The following RPAP1 variants were observed in gnomAD, a reference collection of about 807,000 sequenced individuals.
RPAP1 encodes RNA polymerase II associated protein 1.
RPAP1 carries 109 observed loss-of-function variants against 142.4 expected under a neutral mutation model. That is an observed-to-expected ratio of 0.77 (90% CI 0.66 to 0.90). RPAP1 has a LOEUF of 0.90. Ranked by LOEUF, RPAP1 falls within the 40% of genes least tolerant of loss-of-function variation. RPAP1 has a pLI of 0.00. For missense variants in RPAP1, 1,546 were observed against 1,751.7 expected, an observed-to-expected ratio of 0.88 and a Z score of 2.10; for synonymous variants, 704 against 738.9, an observed-to-expected ratio of 0.95 and a Z score of 0.77.
intron 19 of RPAP1, 80 bp from the exon 20 acceptor site, chr15:41,522,330 A>C (rs1420613098): frequency 7.4e-7 from 1 of 1,347,186 alleles, no homozygotes; most frequent in Non-Finnish European, 1.0e-6. Context: ...GCCCCTCTCC[A>C]GACTCAGGGA....
In RPAP1 at chr15:41,531,177, T is replaced by A; in HGVS notation, c.789A>T (p.Arg263Ser). The A allele has an allele frequency of 6.2e-7, 1 of 1,612,342 alleles. No homozygotes were observed. The highest frequency in any genetic ancestry group is 1.7e-5 in the Admixed American group (1 of 59,948). ...QLDPSLVAFL[R>S]SHSHTQEQTG... ...TTTGCTCTTGCGTGTGGCTGTGAGA[T>A]CTCAAGAAAGCAACCAAGCTGGGGT... is the stretch of plus-strand genomic sequence containing the variant. Residue 263 changes from arginine to serine, a missense_variant, in exon 7 of 25, where the codon AGA becomes AGT. Around this residue, in one of 3 missense-constraint regions of RPAP1, gnomAD observed 1,333 missense variants for 1,486.6 expected, o/e 0.90. Transcript: ENST00000304330.
intron 19 of RPAP1, chr15:41,522,550 C>G: frequency 1.8e-6 from 1 of 566,712 alleles, no homozygotes; most frequent in South Asian, 2.4e-5. Flanking sequence ...GCCATCATGC[C>G]TGGCTAATTT....
In RPAP1 at chr15:41,522,188, C is replaced by T. The variant is rs768788513; in HGVS notation, c.2805G>A (p.Gly935=). 8.1e-6 allele frequency: 13 copies of T among 1,613,926 alleles called. No homozygotes were observed. Among genetic ancestry groups the T allele is most frequent in the Non-Finnish European group, 1.1e-5 (13 of 1,180,022 alleles). Residue 935 remains glycine (G), a synonymous_variant, in exon 20 of 25, where the codon GGG becomes GGA. Coordinates refer to ENST00000304330, the MANE Select transcript of RPAP1 (RefSeq NM_015540.4). Reference sequence around the variant, plus strand: ...AGAAAGGTGTGAGGTGTGGGGCAGCCCCAGGAGCCACACACTGGAGGAAGT... The same window carrying T: ...AGAAAGGTGTGAGGTGTGGGGCAGCTCCAGGAGCCACACACTGGAGGAAGT... The part of the protein sequence containing the change: ...QNYFLQCVAP[G]AAPHLTPFSA...
Position 41,529,658 on chromosome 15 carries a change from C to T in RPAP1, c.1060-90G>A, listed in dbSNP as rs931443614. ...ACCTTTAATCCCAGGCCTTTCAGGA[C>T]TTAGGTACTGACTCTACTTCTACCA... On this transcript the variant is annotated intron_variant, in intron 8 of 24. Coordinates refer to ENST00000304330, the MANE Select transcript of RPAP1 (RefSeq NM_015540.4). 1.7e-5 allele frequency: 17 copies of T among 1,014,652 alleles called. No individual in the cohort carries two copies. In the African/African-American group the frequency reaches 2.2e-4, roughly 13 times the overall value. 62.9% of individuals were successfully genotyped at this position (1,014,652 alleles called of 1,614,324 possible).
intron 1 of RPAP1, among the ~76,000 whole-genome samples, chr15:41,543,572 A>G (rs1209540366): frequency 6.6e-6 from 1 of 152,030 alleles, no homozygotes; most frequent in Non-Finnish European, 1.5e-5. Context: ...GGTCCTATAT[A>G]ATAGGAAATG....
At chr15:41,525,177 G>T in intron 14 of RPAP1, 29 bp from the exon 15 acceptor site, 1 of 1,570,442 alleles carries the variant, frequency 6.4e-7, no homozygotes, top group Non-Finnish European at 8.6e-7. Context: ...TGAGGATCAG[G>T]GTCAGCTGTG....
chr15:41,527,267 C>A lies in RPAP1; in HGVS notation c.1646G>T (p.Arg549Leu), dbSNP rs774093071. 6 of 1,614,078 alleles carry A rather than the reference C, an allele frequency of 3.7e-6. No individual in the cohort carries two copies. The highest frequency in any genetic ancestry group is 1.7e-5 in the Admixed American group (1 of 60,004). Residue 549 changes from arginine (R) to leucine (L), a missense_variant, in exon 13 of 25, where the codon CGC (arginine) becomes CTC (leucine). By Grantham distance (102) the Arg-to-Leu change is moderately radical. Coordinates refer to ENST00000304330, the MANE Select transcript of RPAP1 (RefSeq NM_015540.4). ...TGGGTATGTCACCTCCAGCACGTAG[C>A]GCAGCCGAGGCAGCAGGCTGGTAGC... ...LLATSLLPRLRYVLEVTYPGP... is the reference protein window; with the variant it reads ...LLATSLLPRLLYVLEVTYPGP...
intron 2 of RPAP1, 138 bp from the exon 3 acceptor site, chr15:41,536,787 G>C: frequency 7.2e-7 from 1 of 1,392,142 alleles, no homozygotes; most frequent in South Asian, 1.4e-5. Flanking sequence ...ACCTCTTTGA[G>C]CCTCATTTTC....
At chr15:41,540,174 A>G (rs901268797) in intron 1 of RPAP1, among the ~76,000 whole-genome samples, 4 of 152,228 alleles carry the variant, frequency 2.6e-5, no homozygotes, top group African/African-American at 7.2e-5. Context: ...CTAGATGCTG[A>G]TAATAATAAA....
chr15:41,540,521 G>A (rs12900977), intron 1 of RPAP1, among the ~76,000 whole-genome samples: 63,630 of 151,978 alleles, frequency 0.42, 14,806 homozygotes, highest in South Asian at 0.53. Context: ...GGCTGGTCTC[G>A]AACTCCCGAC....
Position 41,537,883 on chromosome 15 carries a change from C to CAAA in RPAP1, c.-76-685_-76-683dup, listed in dbSNP as rs34270949. 2.6e-4 allele frequency among the ~76,000 whole-genome samples: 34 copies of CAAA among 131,570 alleles called. 1 individual carries two copies. Among genetic ancestry groups the CAAA allele is most frequent in the Admixed American group, 6.1e-4 (8 of 13,120 alleles). 86.3% of individuals were successfully genotyped at this position (131,570 alleles called of 152,430 possible). A position where few individuals can be genotyped will look rare whatever the true frequency, so the allele number is the denominator to read the frequency against. ...GGGCAACAAGAGTAAAACTCCGTCT[C>CAAA]AAAAAAAAAAAAAAAAATTGTATGT... is the stretch of plus-strand genomic sequence containing the variant. On this transcript the variant is annotated intron_variant, in intron 1 of 24. Coordinates refer to ENST00000304330, the MANE Select transcript of RPAP1 (RefSeq NM_015540.4).
In RPAP1 at chr15:41,520,676, G is replaced by C; in HGVS notation, c.3510C>G (p.Phe1170Leu). ...CCAGATGCTGTACTGGGGACTCCCG[G>C]AACAGCTCACTGTCCACCAGGAACA... is the stretch of plus-strand genomic sequence containing the variant. ...MCVFLVDSEL[F>L]RESPVQHLVA... The change falls in exon 22 of 25, where the codon TTC (phenylalanine) becomes TTG (leucine). Residue 1170 changes from phenylalanine to leucine, a missense_variant. Around this residue, in one of 3 missense-constraint regions of RPAP1, gnomAD observed 1,333 missense variants for 1,486.6 expected, o/e 0.90. Coordinates refer to ENST00000304330, the MANE Select transcript of RPAP1 (RefSeq NM_015540.4). The C allele has an allele frequency of 6.2e-7, 1 of 1,614,150 alleles. No individual in the cohort carries two copies. The highest frequency in any genetic ancestry group is 8.5e-7 in the Non-Finnish European group (1 of 1,180,032).
intron 1 of RPAP1, among the ~76,000 whole-genome samples, chr15:41,540,197 TCTAA>T (rs1162896686): frequency 6.6e-6 from 1 of 152,208 alleles, no homozygotes; most frequent in Non-Finnish European, 1.5e-5. Context: ...TATTGTTATA[TCTAA>T]CACTTATTGA....
In RPAP1 at chr15:41,524,983, C is replaced by T. The variant is rs1239863562; in HGVS notation, c.2075+8G>A. The T allele has an allele frequency of 1.2e-6, 2 of 1,612,620 alleles. No homozygotes were observed. The highest frequency in any genetic ancestry group is 2.7e-5 in the African/African-American group (2 of 74,854). On this transcript the variant is annotated splice_region_variant and intron_variant, in intron 15 of 24. Transcript: ENST00000304330. ...TCTAGGGGGAGCCTACCCCCTGCCT[C>T]TCCTCACCTGTAAAGGTAACCGCCC...
At chr15:41,524,853 A>G in intron 15 of RPAP1, 138 bp downstream of exon 15, 1 of 847,700 alleles carries the variant, frequency 1.2e-6, no homozygotes, top group Non-Finnish European at 1.8e-6. Flanking sequence ...AAGCCTTTTC[A>G]CATCTGGCAG....
intron 22 of RPAP1, chr15:41,519,523 C>G (rs544271809): frequency 6.6e-6 from 1 of 152,260 alleles, no homozygotes; most frequent in African/African-American, 2.4e-5. Flanking sequence ...CATAGTAACT[C>G]TTTACAGCTT....
In RPAP1 at chr15:41,520,567, A is replaced by G. The variant is rs202227991; in HGVS notation, c.3619T>C (p.Phe1207Leu). 13 of 1,614,240 alleles carry G rather than the reference A, an allele frequency of 8.1e-6. No individual in the cohort carries two copies. In the East Asian group the frequency reaches 2.9e-4, roughly 36 times the overall value. ...LDCRLPGLTS[F>L]PDLYANFLDH... ...AGGAAGTTGGCATAGAGGTCAGGGA[A>G]AGACGTCAGGCCAGGGAGTCGGCAG... is the stretch of plus-strand genomic sequence containing the variant. Residue 1207 changes from phenylalanine to leucine, a missense_variant, in exon 22 of 25, where the codon TTC becomes CTC. By Grantham distance (22) the Phe-to-Leu change is conservative. Transcript: ENST00000304330.
rs760515068 is a variant in RPAP1, at chr15:41,521,121, G to A, written c.3065C>T (p.Ala1022Val). The change falls in exon 22 of 25, where the codon GCA becomes GTA. Residue 1022 changes from alanine to valine, a missense_variant. By Grantham distance (64) the Ala-to-Val change is moderately conservative. This residue lies in a region of RPAP1 where 1,333 missense variants were observed against 1,486.6 expected (regional missense o/e 0.90). Transcript: ENST00000304330. Reference sequence around the variant, plus strand: ...CGACAGCTGGTCAGAGAAGTCGGCTGCCTCTGGACCCCCTGATGTTCTTTC... The same window carrying A: ...CGACAGCTGGTCAGAGAAGTCGGCTACCTCTGGACCCCCTGATGTTCTTTC... ...LPERTSGGPE[A>V]ADFSDQLSLG... is the part of the protein sequence containing the mutation. 1 of 1,514,526 alleles carries A rather than the reference G, an allele frequency of 6.6e-7. No individual in the cohort carries two copies. The highest frequency in any genetic ancestry group is 8.8e-7 in the Non-Finnish European group (1 of 1,132,348). The allele number at this position is 1,514,526 out of a possible 1,614,324, so 93.8% of individuals were successfully genotyped here.
intron 22 of RPAP1, 21 bp downstream of exon 22, chr15:41,520,370 C>T (rs537581360): frequency 1.2e-6 from 2 of 1,612,774 alleles, no homozygotes; most frequent in African/African-American, 2.7e-5. Context: ...CCTTGCAGGT[C>T]CTGCTGGGCT....
Sources: gnomAD v4.1 joint callset for allele counts (sites outside exome capture counted in the v4.1 genomes callset) on GRCh38, gnomAD v4.1.1 for gene constraint, gnomAD v4.1.1 regional missense constraint, MANE v1.5 for transcripts, NCBI Gene and HGNC (gene_info 2026-07-23, HGNC 2026-07-21) for gene names.